FAM107B: variants seen among roughly 807,000 people sequenced by gnomAD.
FAM107B encodes protein FAM107B.
In FAM107B, 21 loss-of-function variants were observed where a neutral mutation model predicts 31.5. That is an observed-to-expected ratio of 0.67 (90% CI 0.47 to 0.96). FAM107B has a LOEUF of 0.96. FAM107B is among the 40% of genes least tolerant of loss of function. FAM107B has a pLI of 0.00. For synonymous variants in FAM107B, 157 were observed against 141.5 expected, an observed-to-expected ratio of 1.11 and a Z score of -0.78; for missense variants, 452 against 377.1, an observed-to-expected ratio of 1.20 and a Z score of -1.64.
At chr10:14,633,194 CA>C (rs60159128) in intron 2 of FAM107B, among the ~76,000 whole-genome samples, 37,859 of 123,542 alleles carry the variant, frequency 0.31, 4,871 homozygotes, top group East Asian at 0.51. Context: ...GACTCTGTCT[CA>C]AAAAAAAAAA....
At chr10:14,748,416 G>A (rs965335176) in intron 1 of FAM107B, among the ~76,000 whole-genome samples, 1 of 152,182 alleles carries the variant, frequency 6.6e-6, no homozygotes, top group Non-Finnish European at 1.5e-5. Flanking sequence ...AGGAAGCAGA[G>A]CCTACCTCCC....
intron 2 of FAM107B, among the ~76,000 whole-genome samples, chr10:14,661,103 C>T (rs1486226862): frequency 6.6e-6 from 1 of 152,188 alleles, no homozygotes; most frequent in Non-Finnish European, 1.5e-5. Context: ...CACCTTCTGC[C>T]ACAACTGTAA....
intron 1 of FAM107B, among the ~76,000 whole-genome samples, chr10:14,669,138 C>A (rs1296798094): frequency 3.3e-5 from 5 of 151,942 alleles, no homozygotes; most frequent in African/African-American, 1.2e-4. Context: ...GAGGCCGAGG[C>A]GGGTGGATTG....
At chr10:14,716,163 T>C (rs1855774634) in intron 1 of FAM107B, among the ~76,000 whole-genome samples, 1 of 152,214 alleles carries the variant, frequency 6.6e-6, no homozygotes, top group Admixed American at 6.5e-5. Context: ...TTGTGAAATA[T>C]ATCTACTTAT....
At chr10:14,754,250 T>C (rs565659504) in intron 1 of FAM107B, among the ~76,000 whole-genome samples, 38 of 152,204 alleles carry the variant, frequency 2.5e-4, no homozygotes, top group Non-Finnish European at 5.0e-4. Flanking sequence ...CCAGTGAAAA[T>C]TCTTAAAGGG....
At chr10:14,534,965 G>C (rs1199774131) in intron 2 of FAM107B, 1 of 152,226 alleles carries the variant, frequency 6.6e-6, no homozygotes, top group Non-Finnish European at 1.5e-5. Flanking sequence ...ATAAGGTGTA[G>C]TGCAGAAAGT....
chr10:14,668,268 C>T (rs1260376286), intron 1 of FAM107B, among the ~76,000 whole-genome samples: 1 of 152,116 alleles, frequency 6.6e-6, no homozygotes, highest in African/African-American at 2.4e-5. Context: ...TGGTCTCGAT[C>T]TCCTGACCTC....
intron 3 of FAM107B, among the ~76,000 whole-genome samples, chr10:14,525,159 CGACA>C (rs1399903182): frequency 5.9e-5 from 9 of 152,200 alleles, no homozygotes; most frequent in Non-Finnish European, 1.3e-4. Flanking sequence ...GAGATAGTGT[CGACA>C]GACAGAAATT....
intron 2 of FAM107B, among the ~76,000 whole-genome samples, chr10:14,589,257 G>C (rs1215667694): frequency 6.6e-6 from 1 of 151,722 alleles, no homozygotes; most frequent in Non-Finnish European, 1.5e-5. Context: ...AAAGCTGTAG[G>C]TTGGCATAGG....
intron 2 of FAM107B, among the ~76,000 whole-genome samples, chr10:14,626,980 T>C (rs551019632): frequency 6.6e-6 from 1 of 152,208 alleles, no homozygotes; most frequent in Non-Finnish European, 1.5e-5. Context: ...GATTTGCTTC[T>C]GCACCAAATG....
chr10:14,689,713 C>A (rs964163908), intron 1 of FAM107B, among the ~76,000 whole-genome samples: 6 of 152,132 alleles, frequency 3.9e-5, no homozygotes, highest in Admixed American at 2.0e-4. Flanking sequence ...GTAATCCCAG[C>A]ATTTTGGGAG....
chr10:14,722,758 A>G (rs907799353), intron 1 of FAM107B, among the ~76,000 whole-genome samples: 4 of 152,124 alleles, frequency 2.6e-5, no homozygotes, highest in African/African-American at 9.7e-5. Context: ...CTCTTATCCC[A>G]TAGGTTGTCT....
At chr10:14,670,742 T>C (rs761950736) in intron 1 of FAM107B, among the ~76,000 whole-genome samples, 8 of 152,224 alleles carry the variant, frequency 5.3e-5, no homozygotes, top group Non-Finnish European at 1.2e-4. Context: ...TAGTAAGAGT[T>C]GCAAAGTCCC....
At chr10:14,757,407 T>C (rs905580634) in intron 1 of FAM107B, among the ~76,000 whole-genome samples, 18 of 152,022 alleles carry the variant, frequency 1.2e-4, no homozygotes. Flanking sequence ...TGCCGGCCCC[T>C]ATAACTGCAT....
chr10:14,688,225 G>C (rs1564626215), intron 1 of FAM107B, among the ~76,000 whole-genome samples: 1 of 152,190 alleles, frequency 6.6e-6, no homozygotes, highest in African/African-American at 2.4e-5. Flanking sequence ...GTTTGCCAGG[G>C]GCTCTCGGGC....
chr10:14,589,173 C>CA (rs148244421), intron 2 of FAM107B, among the ~76,000 whole-genome samples: 22,316 of 105,198 alleles, frequency 0.21, 2,037 homozygotes, highest in East Asian at 0.32. Context: ...GAGACTGTCT[C>CA]AAAAAAAAAA....
chr10:14,578,227 G>GTT (rs146611911), intron 2 of FAM107B, among the ~76,000 whole-genome samples: 2,672 of 152,262 alleles, frequency 0.018, 82 homozygotes, highest in African/African-American at 0.061. Flanking sequence ...AGTTCCCTGA[G>GTT]GGCGAATATC....
intron 2 of FAM107B, among the ~76,000 whole-genome samples, chr10:14,547,493 C>T (rs1446519996): frequency 6.6e-6 from 1 of 152,184 alleles, no homozygotes; most frequent in African/African-American, 2.4e-5. Context: ...TTGAGCATCC[C>T]TTATCCGAAA....
At chr10:14,642,756 A>G (rs927032247) in intron 2 of FAM107B, among the ~76,000 whole-genome samples, 4 of 152,218 alleles carry the variant, frequency 2.6e-5, no homozygotes, top group African/African-American at 9.6e-5. Flanking sequence ...CCACTCCTTC[A>G]ACACTTTGCT....
Sources: allele counts gnomAD v4.1 joint callset (sites outside exome capture counted in the v4.1 genomes callset), GRCh38; gene constraint gnomAD v4.1.1; transcripts MANE v1.5; gene names NCBI Gene and HGNC (gene_info 2026-07-23, HGNC 2026-07-21).